Variants in EHD1 observed in about 807,000 individuals in gnomAD.
EHD1 encodes EH domain containing 1.
EHD1 carries 19 observed loss-of-function variants against 39.0 expected under a neutral mutation model. That is an observed-to-expected ratio of 0.49 (90% CI 0.34 to 0.72). The LOEUF is 0.72. EHD1 is among the 30% of genes least tolerant of loss of function. The probability of loss-of-function intolerance (pLI) is 0.01; values close to 1 mark genes in which losing one functional copy is unlikely to be tolerated. For synonymous variants in EHD1, 323 were observed against 331.2 expected (o/e 0.98, Z 0.27); for missense variants, 542 against 751.5 (o/e 0.72, Z 3.26).
In EHD1 at chr11:64,854,047, TGCACACAGGGCTG is replaced by T. The variant is rs1455470484; in HGVS notation, c.*273_*285del. ...AGCAAAGGCCGGGGGGCAGAGGCCGTGCACACAGGGCTGGCACACAGGGGAGGCGGCGACAAAG... is the reference window on the plus strand; with the variant it reads ...AGCAAAGGCCGGGGGGCAGAGGCCGTGCACACAGGGGAGGCGGCGACAAAG... On this transcript the variant is annotated 3_prime_UTR_variant, in exon 5 of 5. Coordinates refer to ENST00000320631, the MANE Select transcript of EHD1 (RefSeq NM_006795.4). 12 of 525,420 alleles carry T rather than the reference TGCACACAGGGCTG, an allele frequency of 2.3e-5. No homozygotes were observed. The highest frequency in any genetic ancestry group is 6.4e-5 in the South Asian group (3 of 46,640). The allele number at this position is 525,420 out of a possible 1,614,324, so 32.5% of individuals were successfully genotyped here. A position where few individuals can be genotyped will look rare whatever the true frequency, so the allele number is the denominator to read the frequency against.
chr11:64,874,628 A>G, intron 1 of EHD1, 110 bp from the exon 2 acceptor site: 5 of 860,476 alleles, frequency 5.8e-6, no homozygotes, highest in Non-Finnish European at 8.3e-6. Flanking sequence ...CTTCCTCTCC[A>G]GCAGCGGGGA....
intron 2 of EHD1, among the ~76,000 whole-genome samples, chr11:64,863,885 C>T (rs991455301): frequency 6.6e-6 from 1 of 152,240 alleles, no homozygotes; most frequent in Non-Finnish European, 1.5e-5. Context: ...GGGAGGAGGG[C>T]GTGTGGGAGC....
chr11:64,856,523 C>G (rs992209625), intron 3 of EHD1: 13 of 152,296 alleles, frequency 8.5e-5, no homozygotes, highest in Admixed American at 8.5e-4. Context: ...GAGAGTAGCC[C>G]AGCCCTCAGA....
chr11:64,875,069 G>T (rs374965142), intron 1 of EHD1, among the ~76,000 whole-genome samples: 2 of 152,332 alleles, frequency 1.3e-5, no homozygotes, highest in East Asian at 3.9e-4. Flanking sequence ...GCACAGACGC[G>T]CCATTCTCTG....
Position 64,878,481 on chromosome 11 carries a change from C to A in EHD1, c.-17G>T. 3 of 1,584,402 alleles carry A rather than the reference C, an allele frequency of 1.9e-6. No individual in the cohort carries two copies. The highest frequency in any genetic ancestry group is 2.6e-6 in the Non-Finnish European group (3 of 1,166,336). On this transcript the variant is annotated 5_prime_UTR_variant, in exon 1 of 5. Transcript: ENST00000320631. ...GCTGAACATACTGCCGGACACGGGGCTGGCTGCTGCGGGGCAGAGCGGCGG... is the reference window on the plus strand; with the variant it reads ...GCTGAACATACTGCCGGACACGGGGATGGCTGCTGCGGGGCAGAGCGGCGG...
intron 4 of EHD1, 101 bp from the exon 5 acceptor site, chr11:64,854,958 TC>T: frequency 6.9e-7 from 1 of 1,441,468 alleles, no homozygotes; most frequent in East Asian, 2.3e-5. Flanking sequence ...AAAGTGCTGC[TC>T]CCCCACACTA....
Position 64,855,450 on chromosome 11 carries a change from T to A in EHD1, c.952A>T (p.Met318Leu). 6.2e-7 allele frequency: 1 copy of A among 1,613,994 alleles called. No homozygotes were observed. Among genetic ancestry groups the A allele is most frequent in the Non-Finnish European group, 8.5e-7 (1 of 1,180,000 alleles). Residue 318 changes from methionine to leucine, a missense_variant, in exon 4 of 5, where the codon ATG becomes TTG. Coordinates refer to ENST00000320631, the MANE Select transcript of EHD1 (RefSeq NM_006795.4). ...CTCTCTTTACCAAAGACATTGGGCA[T>A]CTCTTTCTTGAGGGAGCTGATGATG... The part of the protein sequence containing the change: ...AYIISSLKKE[M>L]PNVFGKESKK...
chr11:64,863,894 G>A lies in EHD1; in HGVS notation c.503-3558C>T, dbSNP rs139790218. Among the ~76,000 whole-genome samples, 6 of 152,386 alleles carry A rather than the reference G, an allele frequency of 3.9e-5. No homozygotes were observed. The East Asian group carries it at 7.7e-4, about 20-fold the overall frequency. ...GCTGCAGGGAGGAGGGCGTGTGGGA[G>A]CACTGGGCCTCCAGCCCAGGACCCG... is the stretch of plus-strand genomic sequence containing the variant. On this transcript the variant is annotated intron_variant, in intron 2 of 4. Coordinates refer to ENST00000320631, the MANE Select transcript of EHD1 (RefSeq NM_006795.4).
chr11:64,878,668 T>C (rs951515290), upstream of EHD1: 9 of 1,278,460 alleles, frequency 7.0e-6, no homozygotes, highest in Admixed American at 2.0e-4. Context: ...GGTCCCTCAG[T>C]GGCGGCTAGC....
At position 64,852,004 on chromosome 11, in the gene EHD1, C is replaced by CTTCACTATGACCTCAG. The variant is rs1245905968; in HGVS notation, c.*2328_*2329insCTGAGGTCATAGTGAA. 1 of 152,230 alleles carries CTTCACTATGACCTCAG rather than the reference C, an allele frequency of 6.6e-6. No individual in the cohort carries two copies. The highest frequency in any genetic ancestry group is 2.4e-5 in the African/African-American group (1 of 41,440). 9.4% of individuals were successfully genotyped at this position (152,230 alleles called of 1,614,324 possible). A position where few individuals can be genotyped will look rare whatever the true frequency, so the allele number is the denominator to read the frequency against. The stretch of plus-strand genomic sequence containing the variant: ...GAAGCATCCACTGGCACCTCAAGTG[C>CTTCACTATGACCTCAG]TGGTCATAGGACCAGACACCACCAC... On this transcript the variant is annotated 3_prime_UTR_variant, in exon 5 of 5. Coordinates refer to ENST00000320631, the MANE Select transcript of EHD1 (RefSeq NM_006795.4).
rs754106431 is a variant in EHD1 at position 64,854,467 on chromosome 11, C to T, written c.1471G>A (p.Asp491Asn). ...LGKIWKLADV[D>N]KDGLLDDEEF... ...TCGTCGTCCAGCAGCCCGTCCTTGT[C>T]CACGTCGGCCAGCTTCCAGATCTTC... Residue 491 changes from aspartate (D) to asparagine (N), a missense_variant, in exon 5 of 5, where the codon GAC becomes AAC. Transcript: ENST00000320631. The T allele has an allele frequency of 6.2e-7, 1 of 1,614,142 alleles. No individual in the cohort carries two copies. Among genetic ancestry groups the T allele is most frequent in the Non-Finnish European group, 8.5e-7 (1 of 1,179,996 alleles).
Position 64,860,044 on chromosome 11 carries a change from G to A in EHD1, c.795C>T (p.Pro265=), listed in dbSNP as rs571846024. The change falls in exon 3 of 5, where the codon CCC becomes CCT. Residue 265 remains proline, a synonymous_variant. Transcript: ENST00000320631. ...GSFWSHPLLI[P]DNRKLFEAEE... The stretch of plus-strand genomic sequence containing the variant: ...CGGCCTCAAAGAGCTTGCGGTTGTC[G>A]GGGATGAGGAGCGGGTGGGACCAGA... 1.3e-4 allele frequency: 212 copies of A among 1,614,166 alleles called. 4 individuals carry two copies. The South Asian group carries it at 2.1e-3, about 16-fold the overall frequency.
Position 64,878,555 on chromosome 11 carries a change from G to A in EHD1, c.-91C>T, listed in dbSNP as rs991232066. Reference sequence around the variant, plus strand: ...AGCCGAGGCGGGGCCGGCCGGGGCAGGGAATCGGGAGCGACCCACACTGCG... The same window carrying A: ...AGCCGAGGCGGGGCCGGCCGGGGCAAGGAATCGGGAGCGACCCACACTGCG... On this transcript the variant is annotated 5_prime_UTR_variant, in exon 1 of 5. Transcript: ENST00000320631. 3 of 1,468,576 alleles carry A rather than the reference G, an allele frequency of 2.0e-6. No homozygotes were observed. The highest frequency in any genetic ancestry group is 4.8e-5 in the Admixed American group (2 of 41,382). The allele number at this position is 1,468,576 out of a possible 1,614,324, so 91.0% of individuals were successfully genotyped here.
rs377256377 is a variant in EHD1, at chr11:64,867,810, A to G, written c.502+6611T>C. On this transcript the variant is annotated intron_variant, in intron 2 of 4. Coordinates refer to ENST00000320631, the MANE Select transcript of EHD1 (RefSeq NM_006795.4). Reference sequence around the variant, plus strand: ...CACAATTTTTAAAAAGTGAAAACGAAAAGTCCTGGGGCTGTGGGATGAAAG... The same window carrying G: ...CACAATTTTTAAAAAGTGAAAACGAGAAGTCCTGGGGCTGTGGGATGAAAG... 8.5e-5 allele frequency among the ~76,000 whole-genome samples: 13 copies of G among 152,384 alleles called. No homozygotes were observed. The East Asian group carries it at 2.5e-3, about 29-fold the overall frequency.
chr11:64,861,172 C>T (rs1003318710), intron 2 of EHD1, among the ~76,000 whole-genome samples: 1 of 149,730 alleles, frequency 6.7e-6, no homozygotes, highest in African/African-American at 2.5e-5. Flanking sequence ...CGTGACACAG[C>T]GAGACTCCGT....
chr11:64,874,301 CAAAA>C (rs35867760), intron 2 of EHD1, 116 bp downstream of exon 2: 2,433 of 473,258 alleles, frequency 5.1e-3, no homozygotes, highest in East Asian at 0.011. Flanking sequence ...AAGACTCCGT[CAAAA>C]AAAAAAAAAA....
chr11:64,878,532 C>G lies in EHD1; in HGVS notation c.-68G>C, dbSNP rs1215634200. ...CTGAGAGCGGGGCGAGGGTGCGGAGCCGAGGCGGGGCCGGCCGGGGCAGGG... is the reference window on the plus strand; with the variant it reads ...CTGAGAGCGGGGCGAGGGTGCGGAGGCGAGGCGGGGCCGGCCGGGGCAGGG... On this transcript the variant is annotated 5_prime_UTR_variant, in exon 1 of 5. Transcript: ENST00000320631. 1 of 1,502,464 alleles carries G rather than the reference C, an allele frequency of 6.7e-7. No homozygotes were observed. The highest frequency in any genetic ancestry group is 2.1e-5 in the Admixed American group (1 of 47,054). 93.1% of individuals were successfully genotyped at this position (1,502,464 alleles called of 1,614,324 possible).
intron 2 of EHD1, among the ~76,000 whole-genome samples, chr11:64,871,933 G>T (rs370807515): frequency 3.9e-5 from 6 of 152,288 alleles, no homozygotes; most frequent in African/African-American, 1.4e-4. Flanking sequence ...CAATCAAAAC[G>T]CCATGCTGTG....
intron 2 of EHD1, among the ~76,000 whole-genome samples, chr11:64,866,154 C>T (rs560211289): frequency 6.6e-6 from 1 of 152,198 alleles, no homozygotes; most frequent in South Asian, 2.1e-4. Flanking sequence ...GTACATATAC[C>T]ACAGAGAATA....
Sources: allele counts gnomAD v4.1 joint callset (sites outside exome capture counted in the v4.1 genomes callset), GRCh38; gene constraint gnomAD v4.1.1; transcripts MANE v1.5; gene names NCBI Gene and HGNC (gene_info 2026-07-23, HGNC 2026-07-21).